The following ARK2C variants were observed in gnomAD, a reference collection of about 807,000 sequenced individuals.
ARK2C encodes the protein E3 ubiquitin-protein ligase ARK2C.
chr18:46,416,060 T>G, the ARK2C span, among the ~76,000 whole-genome samples: 1 of 152,116 alleles, frequency 6.6e-6, no homozygotes, highest in Non-Finnish European at 1.5e-5. Context: ...CTAATTAACA[T>G]GTCATGGGGG....
chr18:46,339,033 G>C, the ARK2C span, among the ~76,000 whole-genome samples: 1 of 152,218 alleles, frequency 6.6e-6, no homozygotes, highest in Admixed American at 6.5e-5. Context: ...GGATGGGAAA[G>C]CTGAGCTGAT....
the ARK2C span, among the ~76,000 whole-genome samples, chr18:46,339,676 A>G: frequency 3.9e-4 from 59 of 152,358 alleles, no homozygotes; most frequent in Non-Finnish European, 8.8e-5. Context: ...CTTCTTTCTG[A>G]ACAAGAGAAC....
At chr18:46,460,243 C>T in the ARK2C span, 3 of 152,572 alleles carry the variant, frequency 2.0e-5, no homozygotes, top group South Asian at 6.2e-4. Flanking sequence ...CCCCTAAGCC[C>T]CCCGCCTGTA....
At chr18:46,393,926 A>G in the ARK2C span, among the ~76,000 whole-genome samples, 1 of 152,220 alleles carries the variant, frequency 6.6e-6, no homozygotes, top group Non-Finnish European at 1.5e-5. Context: ...GAGGCTTACA[A>G]TAGTGCCCAC....
chr18:46,401,756 G>A, the ARK2C span, among the ~76,000 whole-genome samples: 1 of 152,162 alleles, frequency 6.6e-6, no homozygotes, highest in Non-Finnish European at 1.5e-5. Context: ...TGGAGTCATG[G>A]GACTTTAAAG....
At chr18:46,417,820 A>G in the ARK2C span, among the ~76,000 whole-genome samples, 1 of 152,260 alleles carries the variant, frequency 6.6e-6, no homozygotes, top group Admixed American at 6.5e-5. Flanking sequence ...CCTGGCCAAC[A>G]TGGTGAAACC....
the ARK2C span, chr18:46,455,876 C>G: frequency 1.5e-6 from 1 of 680,464 alleles, no homozygotes; most frequent in Non-Finnish European, 2.6e-6. Context: ...CTTTAAAAAA[C>G]CTGACTCCCA....
At chr18:46,440,134 G>A in the ARK2C span, among the ~76,000 whole-genome samples, 22 of 152,246 alleles carry the variant, frequency 1.4e-4, no homozygotes, top group African/African-American at 5.1e-4. Context: ...AGATCTCATG[G>A]CCAGTTTTAC....
chr18:46,395,377 G>T, the ARK2C span, among the ~76,000 whole-genome samples: 1 of 152,148 alleles, frequency 6.6e-6, no homozygotes, highest in Non-Finnish European at 1.5e-5. Flanking sequence ...GGGCTGTTCC[G>T]TGCTTTGTTG....
chr18:46,381,162 A>C, the ARK2C span, among the ~76,000 whole-genome samples: 1 of 152,162 alleles, frequency 6.6e-6, no homozygotes, highest in Non-Finnish European at 1.5e-5. Flanking sequence ...TGAAGCGAGG[A>C]GGCATTGCTG....
chr18:46,361,981 C>A, the ARK2C span, among the ~76,000 whole-genome samples: 1 of 152,246 alleles, frequency 6.6e-6, no homozygotes, highest in African/African-American at 2.4e-5. Flanking sequence ...GATAATAGCT[C>A]ATTTATATCC....
the ARK2C span, chr18:46,334,795 T>G: frequency 4.6e-6 from 1 of 219,016 alleles, no homozygotes; most frequent in Middle Eastern, 1.3e-3. The surrounding 1 kb of genome is among the most constrained non-coding windows in gnomAD (Gnocchi z 4.4). Context: ...GTGTGTTTTG[T>G]GTTATGTGTG....
the ARK2C span, among the ~76,000 whole-genome samples, chr18:46,389,269 G>C: frequency 6.6e-6 from 1 of 152,212 alleles, no homozygotes; most frequent in African/African-American, 2.4e-5. Context: ...CTGAAAGATA[G>C]AGATTCAATG....
At chr18:46,414,353 G>T in the ARK2C span, among the ~76,000 whole-genome samples, 1 of 152,210 alleles carries the variant, frequency 6.6e-6, no homozygotes, top group Non-Finnish European at 1.5e-5. Flanking sequence ...AGGGCTCTGT[G>T]TAGGTGCTGC....
chr18:46,355,145 G>A, the ARK2C span, among the ~76,000 whole-genome samples: 1 of 151,972 alleles, frequency 6.6e-6, no homozygotes, highest in Non-Finnish European at 1.5e-5. Context: ...TAGAGACAGG[G>A]TTTCACCATG....
At chr18:46,382,993 C>T in the ARK2C span, among the ~76,000 whole-genome samples, 1 of 152,266 alleles carries the variant, frequency 6.6e-6, no homozygotes, top group Non-Finnish European at 1.5e-5. Flanking sequence ...TCCCCCCACC[C>T]CCTGGGTCTG....
At chr18:46,426,227 CT>C in the ARK2C span, among the ~76,000 whole-genome samples, 1 of 152,170 alleles carries the variant, frequency 6.6e-6, no homozygotes, top group Non-Finnish European at 1.5e-5. Flanking sequence ...CCACATTTGG[CT>C]TTCAGGAAAC....
chr18:46,361,091 C>T, the ARK2C span, among the ~76,000 whole-genome samples: 10 of 152,244 alleles, frequency 6.6e-5, no homozygotes, highest in Non-Finnish European at 1.2e-4. Context: ...GCTAACTGGG[C>T]TGTGAGCACA....
chr18:46,435,573 G>T, the ARK2C span, among the ~76,000 whole-genome samples: 1 of 152,220 alleles, frequency 6.6e-6, no homozygotes, highest in East Asian at 1.9e-4. Context: ...TCCCACGTGA[G>T]CCTGGTTCTA....
Sources: allele counts gnomAD v4.1 joint callset (sites outside exome capture counted in the v4.1 genomes callset), GRCh38; gene constraint gnomAD v4.1.1; non-coding constraint Gnocchi (gnomAD v3.1); transcripts MANE v1.5; gene names NCBI Gene and HGNC (gene_info 2026-07-23, HGNC 2026-07-21).